Variants in ZSCAN5A observed in about 807,000 individuals in gnomAD.
ZSCAN5A encodes the protein zinc finger and SCAN domain-containing protein 5A.
Under a neutral mutation model 23.7 loss-of-function variants are expected in ZSCAN5A, and 12 were observed. That is an observed-to-expected ratio of 0.51 (90% CI 0.32 to 0.82). The LOEUF (loss-of-function observed/expected upper bound fraction) is 0.82, where lower values mean the gene tolerates loss of function less well. Ranked by LOEUF, ZSCAN5A falls within the 40% of genes least tolerant of loss-of-function variation. ZSCAN5A has a pLI of 0.03. For missense variants in ZSCAN5A, 597 were observed against 617.9 expected, an observed-to-expected ratio of 0.97 and a Z score of 0.36; for synonymous variants, 257 against 239.9, an observed-to-expected ratio of 1.07 and a Z score of -0.66.
chr19:56,285,391 G>A (rs2039029551), intron 2 of ZSCAN5A, among the ~76,000 whole-genome samples: 1 of 152,318 alleles, frequency 6.6e-6, no homozygotes, highest in Non-Finnish European at 1.5e-5. Context: ...CCCAGAAATA[G>A]TCATACACAT....
rs1409321067 is a variant in ZSCAN5A at position 56,222,049 on chromosome 19, C to CCT, written c.1016_1017insAG (p.Ser340GlyfsTer33). On this transcript the variant is annotated frameshift_variant, in exon 6 of 6. Transcript: ENST00000683990. LOFTEE classifies it low-confidence loss of function (END_TRUNC). ...GGCCATCCGGGTGACTGACTGGGCT[C>CCT]GCAGGGCCTGGGGAATGAATTGAAT... The CCT allele has an allele frequency of 1.9e-6, 3 of 1,614,048 alleles. No homozygotes were observed. The African/African-American group carries it at 4.0e-5, about 22-fold the overall frequency.
At chr19:56,248,795 C>G (rs1487155166) in intron 2 of ZSCAN5A, among the ~76,000 whole-genome samples, 4 of 152,054 alleles carry the variant, frequency 2.6e-5, no homozygotes, top group Admixed American at 6.6e-5. Flanking sequence ...CAGAGTTCCC[C>G]TAGACTCCCT....
At chr19:56,300,911 A>C (rs747478218) in intron 2 of ZSCAN5A, among the ~76,000 whole-genome samples, 9 of 152,208 alleles carry the variant, frequency 5.9e-5, no homozygotes, top group Non-Finnish European at 1.2e-4. Flanking sequence ...GTTTGACATA[A>C]GAAAGCGACA....
At chr19:56,231,837 C>T (rs1208960833) in intron 2 of ZSCAN5A, among the ~76,000 whole-genome samples, 2 of 152,152 alleles carry the variant, frequency 1.3e-5, no homozygotes, top group African/African-American at 2.4e-5. Context: ...AAGTCATTGC[C>T]GTCATCAAGA....
At chr19:56,275,759 T>A (rs906694549) in intron 2 of ZSCAN5A, among the ~76,000 whole-genome samples, 6 of 152,106 alleles carry the variant, frequency 3.9e-5, no homozygotes, top group African/African-American at 1.4e-4. Flanking sequence ...TACCAGAACT[T>A]CTCTTCCCAA....
intron 2 of ZSCAN5A, among the ~76,000 whole-genome samples, chr19:56,229,303 C>T (rs1238156952): frequency 3.3e-5 from 5 of 152,102 alleles, no homozygotes; most frequent in Admixed American, 1.3e-4. Context: ...AATCTTAAGC[C>T]GCTTCACTCT....
intron 2 of ZSCAN5A, among the ~76,000 whole-genome samples, chr19:56,359,995 TC>T (rs2041724405): frequency 6.6e-6 from 1 of 152,128 alleles, no homozygotes; most frequent in African/African-American, 2.4e-5. Context: ...CTGGAAGCAC[TC>T]CCCTTGAAAA....
intron 2 of ZSCAN5A, among the ~76,000 whole-genome samples, chr19:56,362,151 C>G (rs1335617669): frequency 7.3e-6 from 1 of 137,392 alleles, no homozygotes; most frequent in Non-Finnish European, 1.6e-5. Flanking sequence ...GAGTGAGACT[C>G]CGTCTCAAAA....
At chr19:56,227,086 A>T (rs189148574) in intron 2 of ZSCAN5A, among the ~76,000 whole-genome samples, 147 of 152,328 alleles carry the variant, frequency 9.7e-4, no homozygotes, top group African/African-American at 3.3e-3. Flanking sequence ...ATCAATTCAA[A>T]AGAGCAATTG....
chr19:56,273,422 T>G (rs2038003005), intron 2 of ZSCAN5A, among the ~76,000 whole-genome samples: 2 of 152,198 alleles, frequency 1.3e-5, no homozygotes, highest in Non-Finnish European at 2.9e-5. Context: ...CAAATGTTTA[T>G]TCCTGGTTCT....
chr19:56,353,954 C>T (rs879575200), intron 2 of ZSCAN5A, among the ~76,000 whole-genome samples: 9 of 152,226 alleles, frequency 5.9e-5, no homozygotes, highest in East Asian at 1.9e-4. Context: ...GAATATTAGT[C>T]GCCCTTAAAA....
At chr19:56,245,896 T>A (rs1161837578) in intron 2 of ZSCAN5A, among the ~76,000 whole-genome samples, 1 of 151,970 alleles carries the variant, frequency 6.6e-6, no homozygotes, top group Non-Finnish European at 1.5e-5. Context: ...GTTGATAGCA[T>A]CTAGAGGGTG....
At chr19:56,229,473 T>G (rs1600009211) in intron 2 of ZSCAN5A, among the ~76,000 whole-genome samples, 1 of 152,358 alleles carries the variant, frequency 6.6e-6, no homozygotes, top group East Asian at 1.9e-4. Flanking sequence ...ACATTTTTTC[T>G]TGTTTACCAC....
chr19:56,283,523 C>A (rs190823918), intron 2 of ZSCAN5A: 3 of 152,250 alleles, frequency 2.0e-5, no homozygotes, highest in Admixed American at 2.0e-4. Flanking sequence ...GCATTAACTA[C>A]CAGACGATTT....
At chr19:56,348,956 A>G (rs1388887017) in intron 2 of ZSCAN5A, among the ~76,000 whole-genome samples, 1 of 152,176 alleles carries the variant, frequency 6.6e-6, no homozygotes, top group African/African-American at 2.4e-5. Context: ...AGAATAGACT[A>G]CTTCTCTAGG....
chr19:56,223,249 T>G (rs1008868439), intron 4 of ZSCAN5A, among the ~76,000 whole-genome samples: 1 of 152,212 alleles, frequency 6.6e-6, no homozygotes, highest in East Asian at 1.9e-4. Context: ...ATCACCCCAG[T>G]TGAGAAACAC....
intron 2 of ZSCAN5A, chr19:56,228,470 C>T (rs749909208): frequency 3.7e-5 from 36 of 976,496 alleles, no homozygotes; most frequent in Middle Eastern, 5.2e-4. Flanking sequence ...AATTAATGTA[C>T]TAAACATGCC....
chr19:56,267,853 A>G (rs2037580914), intron 2 of ZSCAN5A, among the ~76,000 whole-genome samples: 4 of 152,206 alleles, frequency 2.6e-5, no homozygotes, highest in Non-Finnish European at 5.9e-5. Flanking sequence ...TCAGTGCTAG[A>G]AAAAGTATCG....
At chr19:56,337,119 G>T (rs994454824) in intron 2 of ZSCAN5A, among the ~76,000 whole-genome samples, 1 of 152,226 alleles carries the variant, frequency 6.6e-6, no homozygotes, top group African/African-American at 2.4e-5. Flanking sequence ...CTGTCAGACA[G>T]GGACATTTAA....
Sources: gnomAD v4.1 joint callset for allele counts (sites outside exome capture counted in the v4.1 genomes callset) on GRCh38, gnomAD v4.1.1 for gene constraint, MANE v1.5 for transcripts, NCBI Gene and HGNC (gene_info 2026-07-23, HGNC 2026-07-21) for gene names.